NEK7: variants seen among roughly 807,000 people sequenced by gnomAD.
NEK7 encodes serine/threonine-protein kinase Nek7.
Under a neutral mutation model 44.6 loss-of-function variants are expected in NEK7, and 18 were observed. The ratio of observed to expected loss-of-function variants is 0.40; its 90% CI spans 0.28 to 0.60. NEK7 has a LOEUF of 0.60. Among genes scored for constraint, NEK7 ranks in the 20% least tolerant of loss-of-function variants. The pLI, the probability that NEK7 is intolerant of heterozygous loss-of-function variation, is 0.38. For missense variants in NEK7, 256 were observed against 366.5 expected (o/e 0.70, Z 2.46); for synonymous variants, 130 against 121.1 (o/e 1.07, Z -0.48).
chr1:198,221,276 T>C (rs1040713817), intron 1 of NEK7, among the ~76,000 whole-genome samples: 2 of 151,978 alleles, frequency 1.3e-5, no homozygotes, highest in African/African-American at 4.8e-5. Context: ...CTAGAATCTA[T>C]GGATATTCTT....
intron 1 of NEK7, among the ~76,000 whole-genome samples, chr1:198,170,190 A>G (rs1664394845): frequency 6.6e-6 from 1 of 152,178 alleles, no homozygotes; most frequent in Admixed American, 6.5e-5. Context: ...TTGTATCTGA[A>G]TTCTGAATTC....
intron 1 of NEK7, among the ~76,000 whole-genome samples, chr1:198,190,032 G>A (rs547461658): frequency 6.6e-6 from 1 of 151,966 alleles, no homozygotes; most frequent in Non-Finnish European, 1.5e-5. Context: ...CCTATACTTT[G>A]AGTAATTTTA....
intron 1 of NEK7, among the ~76,000 whole-genome samples, chr1:198,213,030 A>T (rs988496565): frequency 1.3e-5 from 2 of 152,180 alleles, no homozygotes; most frequent in Non-Finnish European, 2.9e-5. Context: ...CAGTATCTAC[A>T]TCTTCCCGCC....
intron 1 of NEK7, among the ~76,000 whole-genome samples, chr1:198,199,444 T>C (rs1276983748): frequency 6.6e-6 from 1 of 152,224 alleles, no homozygotes; most frequent in African/African-American, 2.4e-5. Flanking sequence ...GAAGCTTAGA[T>C]ACTGATTTTC....
chr1:198,171,036 G>C (rs1460096176), intron 1 of NEK7, among the ~76,000 whole-genome samples: 2 of 152,166 alleles, frequency 1.3e-5, no homozygotes, highest in Non-Finnish European at 2.9e-5. Context: ...GAAGTGTTGA[G>C]ATTACAGGCA....
chr1:198,215,682 T>G (rs544825576), intron 1 of NEK7, among the ~76,000 whole-genome samples: 78 of 152,146 alleles, frequency 5.1e-4, no homozygotes, highest in African/African-American at 1.9e-3. Context: ...CACGTGAGGA[T>G]TCTTATGGAC....
chr1:198,169,611 A>C (rs1338457534), intron 1 of NEK7, among the ~76,000 whole-genome samples: 3 of 143,828 alleles, frequency 2.1e-5, no homozygotes, highest in Non-Finnish European at 3.0e-5. Context: ...TTTTTGGAAA[A>C]TTTTGTACCC....
chr1:198,163,404 G>A (rs185418331), intron 1 of NEK7, among the ~76,000 whole-genome samples: 1 of 152,136 alleles, frequency 6.6e-6, no homozygotes, highest in East Asian at 1.9e-4. Context: ...GCTAAGGCAG[G>A]AGGATTGCTT....
At chr1:198,192,386 A>T (rs1379990796) in intron 1 of NEK7, among the ~76,000 whole-genome samples, 4 of 139,014 alleles carry the variant, frequency 2.9e-5, no homozygotes, top group Admixed American at 1.4e-4. Context: ...TTTGTTTTCT[A>T]TTTTCTCTAT....
chr1:198,244,219 T>C (rs1489100225), intron 2 of NEK7, among the ~76,000 whole-genome samples: 2 of 152,164 alleles, frequency 1.3e-5, no homozygotes, highest in African/African-American at 4.8e-5. Flanking sequence ...TGGTGTTAAT[T>C]ACTGTAATTA....
intron 1 of NEK7, among the ~76,000 whole-genome samples, chr1:198,195,865 TATG>T (rs149903671): frequency 0.045 from 6,786 of 152,246 alleles, 551 homozygotes; most frequent in African/African-American, 0.16. Flanking sequence ...TTAAATGTAT[TATG>T]ATTTATATTA....
chr1:198,219,171 A>G (rs1208282447), intron 1 of NEK7, among the ~76,000 whole-genome samples: 1 of 151,568 alleles, frequency 6.6e-6, no homozygotes, highest in African/African-American at 2.4e-5. Context: ...GTACCCCTCA[A>G]CTGATGAATG....
At chr1:198,243,487 A>T (rs1571565584) in intron 2 of NEK7, among the ~76,000 whole-genome samples, 1 of 152,120 alleles carries the variant, frequency 6.6e-6, no homozygotes, top group East Asian at 1.9e-4. Flanking sequence ...GAAGTAGGGG[A>T]GATGGGAGTA....
chr1:198,238,574 T>G (rs1666602216), intron 2 of NEK7, among the ~76,000 whole-genome samples: 1 of 152,186 alleles, frequency 6.6e-6, no homozygotes, highest in Non-Finnish European at 1.5e-5. Context: ...ACCTACCCCA[T>G]TACCCCATGC....
At chr1:198,234,723 C>T (rs947936220) in intron 2 of NEK7, among the ~76,000 whole-genome samples, 2 of 152,182 alleles carry the variant, frequency 1.3e-5, no homozygotes, top group Non-Finnish European at 2.9e-5. Flanking sequence ...CTGTTCCTTT[C>T]GTTTATGCCT....
Position 198,228,311 on chromosome 1 carries a change from A to G in NEK7, c.-28-4242A>G, listed in dbSNP as rs560219633. ...TGAAGTCAGGTAGTGTGATGCCTCC[A>G]GTTTTGTTCTTTTGGCTCAGGACTG... On this transcript the variant is annotated intron_variant, in intron 1 of 9. Transcript: ENST00000367385. Among the ~76,000 whole-genome samples, 958 of 152,252 alleles carry G rather than the reference A, an allele frequency of 6.3e-3. 19 individuals carry two copies. Among genetic ancestry groups the G allele is most frequent in the African/African-American group, 0.022 (898 of 41,526 alleles).
intron 9 of NEK7, among the ~76,000 whole-genome samples, chr1:198,299,270 G>A (rs1208812661): frequency 1.3e-5 from 2 of 152,142 alleles, no homozygotes; most frequent in Non-Finnish European, 2.9e-5. Flanking sequence ...AATCTATTTA[G>A]TTATGTAGAA....
At chr1:198,178,688 TG>T (rs1332883998) in intron 1 of NEK7, among the ~76,000 whole-genome samples, 9 of 146,854 alleles carry the variant, frequency 6.1e-5, no homozygotes, top group East Asian at 3.9e-4. Context: ...TGCCATTTTT[TG>T]TTGTTGTTGT....
At chr1:198,232,002 A>G (rs1048510908) in intron 1 of NEK7, among the ~76,000 whole-genome samples, 9 of 152,114 alleles carry the variant, frequency 5.9e-5, no homozygotes, top group Admixed American at 3.9e-4. Context: ...CTGACATGCA[A>G]TTACCTTCAG....
Sources: allele counts gnomAD v4.1 joint callset (sites outside exome capture counted in the v4.1 genomes callset), GRCh38; gene constraint gnomAD v4.1.1; transcripts MANE v1.5; gene names NCBI Gene and HGNC (gene_info 2026-07-23, HGNC 2026-07-21).